YEATS2: variants seen among roughly 807,000 people sequenced by gnomAD.
YEATS2 encodes YEATS domain-containing protein 2.
In YEATS2, 77 loss-of-function variants were observed where a neutral mutation model predicts 163.2. The ratio of observed to expected loss-of-function variants is 0.47; its 90% CI spans 0.39 to 0.57. The LOEUF is 0.57. Among genes scored for constraint, YEATS2 ranks in the 20% least tolerant of loss-of-function variants. The pLI, the probability that YEATS2 is intolerant of heterozygous loss-of-function variation, is 0.00. For synonymous variants in YEATS2, 631 were observed against 645.1 expected, an observed-to-expected ratio of 0.98 and a Z score of 0.33; for missense variants, 1,549 against 1,729.8, an observed-to-expected ratio of 0.90 and a Z score of 1.85.
In YEATS2 at chr3:183,808,065, G is replaced by A; in HGVS notation, c.4047G>A (p.Arg1349=). The A allele has an allele frequency of 1.3e-6, 2 of 1,562,356 alleles. No individual in the cohort carries two copies. The highest frequency in any genetic ancestry group is 1.7e-6 in the Non-Finnish European group (2 of 1,152,652). ...CCCTGCAGCCCGTGGCACTCCACAG[G>A]AACGTGTATGCGTCCGTGGTGGAGG... ...GITLQPVALH[R]NVYASVVEDM... Residue 1349 remains arginine (R), a synonymous_variant, in exon 29 of 31, where the codon AGG becomes AGA. Coordinates refer to ENST00000305135, the MANE Select transcript of YEATS2 (RefSeq NM_018023.5).
intron 7 of YEATS2, 90 bp downstream of exon 7, chr3:183,728,941 G>A (rs1190129376): frequency 7.4e-6 from 10 of 1,354,146 alleles, no homozygotes; most frequent in Non-Finnish European, 1.0e-5. Context: ...AACATTTCCT[G>A]GAAATGCAGT....
intron 27 of YEATS2, chr3:183,806,157 G>A (rs900740247): frequency 1.8e-5 from 7 of 380,686 alleles, no homozygotes; most frequent in Non-Finnish European, 3.6e-5. Flanking sequence ...TAAGGCCATC[G>A]TAAGTTGAAA....
At position 183,754,367 on chromosome 3, in the gene YEATS2, T is replaced by C; in HGVS notation, c.1390+2T>C. 3 of 1,610,926 alleles carry C rather than the reference T, an allele frequency of 1.9e-6. No individual in the cohort carries two copies. The highest frequency in any genetic ancestry group is 2.5e-6 in the Non-Finnish European group (3 of 1,177,428). Reference sequence around the variant, plus strand: ...CCATGAGCTGCAAGATTGTGTCAGGTATGCAGATGTTTTGAAGACAGTGTA... The same window carrying C: ...CCATGAGCTGCAAGATTGTGTCAGGCATGCAGATGTTTTGAAGACAGTGTA... On this transcript the variant is annotated splice_donor_variant, in intron 11 of 30. Transcript: ENST00000305135. LOFTEE classifies it high-confidence loss of function.
intron 1 of YEATS2, among the ~76,000 whole-genome samples, chr3:183,703,753 T>G (rs986844376): frequency 1.8e-4 from 27 of 152,134 alleles, no homozygotes; most frequent in African/African-American, 6.3e-4. Context: ...TTGAACAGTC[T>G]TTGGGAAGAG....
At chr3:183,804,723 C>T (rs1238498795) in intron 27 of YEATS2, among the ~76,000 whole-genome samples, 1 of 152,150 alleles carries the variant, frequency 6.6e-6, no homozygotes, top group Non-Finnish European at 1.5e-5. Context: ...CGCCGTGGCT[C>T]ACGCCTGTAA....
rs1351351278 is a variant in YEATS2, at chr3:183,762,100, A to G, written c.1768A>G (p.Ile590Val). The change falls in exon 15 of 31, where the codon ATC (isoleucine) becomes GTC (valine). Residue 590 changes from isoleucine (I) to valine (V), a missense_variant. Ile to Val is a conservative substitution (Grantham distance 29, BLOSUM62 3). Transcript: ENST00000305135. ...TGGLGAFTKV[I>V]IKQEPGEAPH... is the part of the protein sequence containing the mutation. ...GTGTCATTATGTTTGTTGCAAGGTGATCATCAAACAGGAACCTGGTGAAGC... is the reference window on the plus strand; with the variant it reads ...GTGTCATTATGTTTGTTGCAAGGTGGTCATCAAACAGGAACCTGGTGAAGC... 1 of 1,614,106 alleles carries G rather than the reference A, an allele frequency of 6.2e-7. No homozygotes were observed. The highest frequency in any genetic ancestry group is 8.5e-7 in the Non-Finnish European group (1 of 1,179,998).
chr3:183,711,882 T>A (rs1715258995), intron 1 of YEATS2, among the ~76,000 whole-genome samples: 3 of 151,050 alleles, frequency 2.0e-5, no homozygotes, highest in Admixed American at 2.0e-4. Context: ...TGCAATGGCA[T>A]GATCTCGGCT....
intron 20 of YEATS2, 124 bp downstream of exon 20, chr3:183,786,425 A>G: frequency 4.2e-6 from 3 of 708,888 alleles, no homozygotes; most frequent in Non-Finnish European, 6.4e-6. Flanking sequence ...TTTTTTTTTT[A>G]AAGAAATATT....
chr3:183,709,254 T>C (rs1349103517), intron 1 of YEATS2, among the ~76,000 whole-genome samples: 1 of 152,236 alleles, frequency 6.6e-6, no homozygotes, highest in Non-Finnish European at 1.5e-5. Flanking sequence ...TATGTTTTAA[T>C]TGATGGCATT....
chr3:183,719,163 T>G (rs893461882), intron 4 of YEATS2, among the ~76,000 whole-genome samples: 13 of 151,816 alleles, frequency 8.6e-5, no homozygotes, highest in Non-Finnish European at 1.8e-4. Context: ...CTTTTTTTTT[T>G]TTTTGTTTGT....
intron 1 of YEATS2, among the ~76,000 whole-genome samples, chr3:183,713,828 C>T (rs1172078402): frequency 2.6e-5 from 4 of 152,178 alleles, no homozygotes; most frequent in African/African-American, 7.2e-5. Context: ...TTTTTTGAGA[C>T]GGAGTATTGC....
Position 183,811,896 on chromosome 3 carries a change from A to G in YEATS2, c.*1313A>G, listed in dbSNP as rs1726834543. ...CATGGGTCCTGTAGATGTTTGAGTC[A>G]GGAAGGTAAGGCGGGGAGTGACTGA... On this transcript the variant is annotated 3_prime_UTR_variant, in exon 31 of 31. Transcript: ENST00000305135. 1 of 152,252 alleles carries G rather than the reference A, an allele frequency of 6.6e-6. No homozygotes were observed. Among genetic ancestry groups the G allele is most frequent in the Non-Finnish European group, 1.5e-5 (1 of 68,064 alleles). The allele number at this position is 152,252 out of a possible 1,614,324, so 9.4% of individuals were successfully genotyped here.
chr3:183,713,433 C>A (rs984036055), intron 1 of YEATS2, among the ~76,000 whole-genome samples: 1 of 152,050 alleles, frequency 6.6e-6, no homozygotes, highest in African/African-American at 2.4e-5. Flanking sequence ...TGTGGTGGTG[C>A]ATGCCTGTAA....
intron 12 of YEATS2, among the ~76,000 whole-genome samples, chr3:183,757,488 A>AC (rs796167037): frequency 7.9e-5 from 12 of 151,748 alleles, no homozygotes; most frequent in African/African-American, 2.9e-4. Flanking sequence ...ATGGGGTTTC[A>AC]CCATGTTGGC....
chr3:183,741,267 C>T (rs765866901), intron 8 of YEATS2, among the ~76,000 whole-genome samples: 11 of 151,942 alleles, frequency 7.2e-5, no homozygotes, highest in African/African-American at 7.3e-5. Context: ...TTGAAACCAG[C>T]GCTTATTTAC....
At chr3:183,745,130 G>A (rs1306220330) in intron 8 of YEATS2, among the ~76,000 whole-genome samples, 4 of 152,190 alleles carry the variant, frequency 2.6e-5, no homozygotes, top group South Asian at 2.1e-4. Context: ...GATTATAGGC[G>A]TGAGCCACCG....
intron 2 of YEATS2, among the ~76,000 whole-genome samples, 193 bp from the exon 3 acceptor site, chr3:183,717,458 C>G (rs996754411): frequency 2.6e-5 from 4 of 152,094 alleles, no homozygotes; most frequent in Non-Finnish European, 4.4e-5. Context: ...GGGCATGATA[C>G]TAGAAAGTAC....
At chr3:183,705,807 G>C (rs922175771) in intron 1 of YEATS2, among the ~76,000 whole-genome samples, 10 of 152,030 alleles carry the variant, frequency 6.6e-5, no homozygotes, top group Admixed American at 6.6e-5. Flanking sequence ...TGGGAGGCCG[G>C]GGCAGGCAGA....
At position 183,800,354 on chromosome 3, in the gene YEATS2, T is replaced by C. The variant is rs1725553630; in HGVS notation, c.3326-112T>C. On this transcript the variant is annotated intron_variant, in intron 23 of 30. Coordinates refer to ENST00000305135, the MANE Select transcript of YEATS2 (RefSeq NM_018023.5). The stretch of plus-strand genomic sequence containing the variant: ...CCCCTGGCTGTGTCCCCACAACAGC[T>C]GGAGTGGCAGTTTCCTTACTGAGCT... The C allele has an allele frequency of 2.0e-5, 14 of 707,254 alleles. No homozygotes were observed. The East Asian group carries it at 3.4e-4, about 17-fold the overall frequency. The allele number at this position is 707,254 out of a possible 1,614,324, so 43.8% of individuals were successfully genotyped here.
Sources: gnomAD v4.1 joint callset for allele counts (sites outside exome capture counted in the v4.1 genomes callset) on GRCh38, gnomAD v4.1.1 for gene constraint, MANE v1.5 for transcripts, NCBI Gene and HGNC (gene_info 2026-07-23, HGNC 2026-07-21) for gene names.